The following GAN variants were observed in gnomAD, a reference collection of about 807,000 sequenced individuals.
The protein encoded by GAN is gigaxonin.
Under a neutral mutation model 71.3 loss-of-function variants are expected in GAN, and 48 were observed. That is an observed-to-expected ratio of 0.67 (90% CI 0.53 to 0.86). GAN has a LOEUF of 0.86. Ranked by LOEUF, GAN falls within the 40% of genes least tolerant of loss-of-function variation. The probability of loss-of-function intolerance (pLI) is 0.00; values close to 1 mark genes in which losing one functional copy is unlikely to be tolerated. For synonymous variants in GAN, 386 were observed against 276.8 expected (o/e 1.39, Z -3.92); for missense variants, 928 against 770.1 (o/e 1.21, Z -2.43).
chr16:81,389,224 C>T lies in GAN; in HGVS notation c.*11628C>T, dbSNP rs371258755. On this transcript the variant is annotated 3_prime_UTR_variant, in exon 11 of 11. Transcript: ENST00000648994. Reference sequence around the variant, plus strand: ...GCACAACTTGCTTCATTAAATAATTCGTGGCTTTTTCTGCCACTGGGGTTC... The same window carrying T: ...GCACAACTTGCTTCATTAAATAATTTGTGGCTTTTTCTGCCACTGGGGTTC... 5.9e-5 allele frequency: 9 copies of T among 152,180 alleles called. No individual in the cohort carries two copies. The highest frequency in any genetic ancestry group is 2.1e-4 in the South Asian group (1 of 4,822). 9.4% of individuals were successfully genotyped at this position (152,180 alleles called of 1,614,324 possible). A position where few individuals can be genotyped will look rare whatever the true frequency, so the allele number is the denominator to read the frequency against.
intron 1 of GAN, among the ~76,000 whole-genome samples, chr16:81,320,942 AC>A (rs1222556781): frequency 1.3e-5 from 2 of 151,356 alleles, no homozygotes; most frequent in Non-Finnish European, 2.9e-5. Flanking sequence ...TTTTGTAATC[AC>A]AACCTTGTTT....
At chr16:81,375,973 CAAAAA>C (rs55948304) in intron 9 of GAN, among the ~76,000 whole-genome samples, 1 of 106,524 alleles carries the variant, frequency 9.4e-6, no homozygotes, top group Non-Finnish European at 2.0e-5. Context: ...GACCCTGTCT[CAAAAA>C]AAAAAAAAAA....
At chr16:81,368,620 A>G (rs1910937897) in intron 9 of GAN, among the ~76,000 whole-genome samples, 1 of 152,138 alleles carries the variant, frequency 6.6e-6, no homozygotes, top group Non-Finnish European at 1.5e-5. Context: ...AGAAAAGGGA[A>G]TCATCTTGAA....
rs310022 is a variant in GAN, at chr16:81,388,372, G to T, written c.*10776G>T. The T allele has an allele frequency of 0.27, 40,776 of 152,302 alleles. 5,572 individuals are homozygous for T. The highest frequency in any genetic ancestry group is 0.31 in the Non-Finnish European group (20,855 of 68,124). 9.4% of individuals were successfully genotyped at this position (152,302 alleles called of 1,614,324 possible). ...GCCTCACAGATCCCTGAGCAGACCT[G>T]CATACTAGCACTTTCCACAACCAGC... On this transcript the variant is annotated 3_prime_UTR_variant, in exon 11 of 11. Transcript: ENST00000648994.
chr16:81,370,958 C>G (rs1911019230), intron 9 of GAN, among the ~76,000 whole-genome samples: 1 of 151,484 alleles, frequency 6.6e-6, no homozygotes. Context: ...CAGAGCACCA[C>G]TCTAGCTGGA....
At chr16:81,368,827 C>A (rs937671561) in intron 9 of GAN, among the ~76,000 whole-genome samples, 3 of 152,154 alleles carry the variant, frequency 2.0e-5, no homozygotes, top group African/African-American at 7.2e-5. Flanking sequence ...ATGAACCTGA[C>A]AAAAATCAGC....
Position 81,334,086 on chromosome 16 carries a change from A to G in GAN, c.168-17497A>G, listed in dbSNP as rs528850652. ...TCTTCAAATCACATGACTCTCAAAG[A>G]TACATAATTGCTATTCTCATATTTC... On this transcript the variant is annotated intron_variant, in intron 1 of 10. Transcript: ENST00000648994. 8.5e-5 allele frequency among the ~76,000 whole-genome samples: 13 copies of G among 152,394 alleles called. 1 individual carries two copies. The East Asian group carries it at 2.3e-3, about 27-fold the overall frequency.
rs561385530 is a variant in GAN, at chr16:81,357,043, G to A, written c.851+41G>A. ...GACTTGTTTGAAAAGTGGTGTATGG[G>A]AAGAGGTAGTTCCATGTAAACAAGA... On this transcript the variant is annotated intron_variant, in intron 4 of 10. Transcript: ENST00000648994. 5.3e-5 allele frequency: 60 copies of A among 1,134,488 alleles called. No homozygotes were observed. In the African/African-American group the frequency reaches 8.6e-4, roughly 16 times the overall value. The allele number at this position is 1,134,488 out of a possible 1,614,324, so 70.3% of individuals were successfully genotyped here.
At position 81,381,771 on chromosome 16, in the gene GAN, A is replaced by C. The variant is rs560552165; in HGVS notation, c.*4175A>C. 1.3e-5 allele frequency: 2 copies of C among 152,370 alleles called. No homozygotes were observed. Among genetic ancestry groups the C allele is most frequent in the African/African-American group, 2.4e-5 (1 of 41,594 alleles). The allele number at this position is 152,370 out of a possible 1,614,324, so 9.4% of individuals were successfully genotyped here. A position where few individuals can be genotyped will look rare whatever the true frequency, so the allele number is the denominator to read the frequency against. On this transcript the variant is annotated 3_prime_UTR_variant, in exon 11 of 11. Coordinates refer to ENST00000648994, the MANE Select transcript of GAN (RefSeq NM_022041.4). ...AAATAAATATAAGATTCTTGTGATC[A>C]AAGTAATGTTCTTCTGTTGAAAAGG... is the stretch of plus-strand genomic sequence containing the variant.
intron 1 of GAN, among the ~76,000 whole-genome samples, chr16:81,343,273 G>C (rs984919104): frequency 6.6e-6 from 1 of 152,256 alleles, no homozygotes; most frequent in Non-Finnish European, 1.5e-5. Context: ...CATTTTATGA[G>C]GCCAGCATCA....
rs947769024 is a variant in GAN, at chr16:81,388,729, C to T, written c.*11133C>T. ...CCCTCCGTGTGGGTCCTCCTCTGTC[C>T]CTTTGCAGCTCGCATTCGCCAGAGC... On this transcript the variant is annotated 3_prime_UTR_variant, in exon 11 of 11. Coordinates refer to ENST00000648994, the MANE Select transcript of GAN (RefSeq NM_022041.4). The T allele has an allele frequency of 3.3e-5, 5 of 152,336 alleles. No individual in the cohort carries two copies. Among genetic ancestry groups the T allele is most frequent in the African/African-American group, 7.2e-5 (3 of 41,488 alleles). The allele number at this position is 152,336 out of a possible 1,614,324, so 9.4% of individuals were successfully genotyped here. A position where few individuals can be genotyped will look rare whatever the true frequency, so the allele number is the denominator to read the frequency against.
intron 1 of GAN, among the ~76,000 whole-genome samples, chr16:81,325,282 G>C (rs1909348135): frequency 6.6e-6 from 1 of 152,222 alleles, no homozygotes; most frequent in Non-Finnish European, 1.5e-5. Context: ...GCGAGGGGAA[G>C]AACTACTTGG....
In GAN at chr16:81,357,849, T is replaced by C; in HGVS notation, c.891T>C (p.Pro297=). ...KPTAAMRCMC[P]LYDPNRQLWI... ...CAGCAGCGATGCGATGCATGTGCCC[T>C]CTCTATGACCCTAACAGGCAGCTTT... The change falls in exon 5 of 11, where the codon CCT becomes CCC. Residue 297 remains proline (P), a synonymous_variant. Transcript: ENST00000648994. The C allele has an allele frequency of 6.2e-7, 1 of 1,613,360 alleles. No individual in the cohort carries two copies. Among genetic ancestry groups the C allele is most frequent in the Non-Finnish European group, 8.5e-7 (1 of 1,179,260 alleles).
intron 9 of GAN, among the ~76,000 whole-genome samples, chr16:81,376,256 C>G (rs8053778): frequency 0.054 from 8,263 of 151,876 alleles, 428 homozygotes; most frequent in African/African-American, 0.14. Flanking sequence ...GCAAAAAAGA[C>G]TTGCTCTCTA....
At chr16:81,327,779 A>G (rs550938803) in intron 1 of GAN, among the ~76,000 whole-genome samples, 4 of 150,426 alleles carry the variant, frequency 2.7e-5, no homozygotes, top group South Asian at 2.1e-4. Flanking sequence ...GACAGGGGAA[A>G]CTTGTAAGAG....
intron 9 of GAN, among the ~76,000 whole-genome samples, chr16:81,368,110 A>G (rs1019350161): frequency 2.0e-5 from 3 of 152,196 alleles, no homozygotes; most frequent in Non-Finnish European, 4.4e-5. Context: ...CTGGGAAAAA[A>G]GCCATATCTT....
rs1327302268 is a variant in GAN at position 81,388,989 on chromosome 16, G to C, written c.*11393G>C. On this transcript the variant is annotated 3_prime_UTR_variant, in exon 11 of 11. Coordinates refer to ENST00000648994, the MANE Select transcript of GAN (RefSeq NM_022041.4). ...ATGTTTTATTTTAAAAAATCATGTA[G>C]GATCTGGTACATGGGGCGGGCAAAA... 1 of 152,154 alleles carries C rather than the reference G, an allele frequency of 6.6e-6. No homozygotes were observed. The highest frequency in any genetic ancestry group is 1.5e-5 in the Non-Finnish European group (1 of 68,034). The allele number at this position is 152,154 out of a possible 1,614,324, so 9.4% of individuals were successfully genotyped here.
intron 1 of GAN, among the ~76,000 whole-genome samples, chr16:81,340,471 C>T (rs145610343): frequency 6.6e-6 from 1 of 152,300 alleles, no homozygotes; most frequent in East Asian, 1.9e-4. Context: ...CTGCAGTCTC[C>T]ACTGGTGATA....
intron 1 of GAN, among the ~76,000 whole-genome samples, chr16:81,347,322 C>T (rs552404475): frequency 2.0e-5 from 3 of 152,202 alleles, no homozygotes; most frequent in East Asian, 3.9e-4. Flanking sequence ...GTCTAAATAC[C>T]CTCTGTATAC....
Sources: allele counts gnomAD v4.1 joint callset (sites outside exome capture counted in the v4.1 genomes callset), GRCh38; gene constraint gnomAD v4.1.1; transcripts MANE v1.5; gene names NCBI Gene and HGNC (gene_info 2026-07-23, HGNC 2026-07-21).